The following PRKX variants were observed in gnomAD, a reference collection of about 807,000 sequenced individuals.
PRKX encodes protein kinase cAMP-dependent X-linked catalytic subunit, also known as cAMP-dependent protein kinase catalytic subunit PRKX.
PRKX carries 12 observed loss-of-function variants against 22.0 expected under a neutral mutation model. The ratio of observed to expected loss-of-function variants is 0.54; its 90% CI spans 0.35 to 0.88. PRKX has a LOEUF of 0.88. Among genes scored for constraint, PRKX ranks in the 40% least tolerant of loss-of-function variants. The pLI, the probability that PRKX is intolerant of heterozygous loss-of-function variation, is 0.01. For synonymous variants in PRKX, 134 were observed against 137.7 expected (o/e 0.97, Z 0.19); for missense variants, 217 against 308.0 (o/e 0.70, Z 2.21).
intron 5 of PRKX, among the ~76,000 whole-genome samples, chrX:3,625,525 A>G (rs1018675398): frequency 2.7e-5 from 3 of 112,411 alleles, no homozygotes; most frequent in Non-Finnish European, 5.6e-5. Context: ...ATTACAGTAA[A>G]AATGGCTACC....
chrX:3,684,880 G>A (rs186411969), intron 1 of PRKX, among the ~76,000 whole-genome samples: 1 of 111,851 alleles, frequency 8.9e-6, no homozygotes, highest in South Asian at 3.7e-4. Flanking sequence ...GTAGTGGCAC[G>A]ATCACAGCTC....
At chrX:3,656,116 G>A (rs1927475762) in intron 2 of PRKX, among the ~76,000 whole-genome samples, 1 of 112,042 alleles carries the variant, frequency 8.9e-6, no homozygotes, top group African/African-American at 3.2e-5. Context: ...TATGGATGTA[G>A]GCAGACGTTA....
intron 2 of PRKX, among the ~76,000 whole-genome samples, chrX:3,670,962 A>T (rs1282832192): frequency 8.9e-6 from 1 of 112,169 alleles, no homozygotes; most frequent in African/African-American, 3.2e-5. Flanking sequence ...TTTTCATGAG[A>T]GCTGTGGACT....
At chrX:3,650,750 A>G (rs1306275088) in intron 3 of PRKX, among the ~76,000 whole-genome samples, 1 of 104,352 alleles carries the variant, frequency 9.6e-6, no homozygotes, top group East Asian at 3.1e-4. Context: ...GTGGTGGTAC[A>G]TGCCTGTAAT....
chrX:3,630,417 A>G (rs760836907), intron 4 of PRKX, among the ~76,000 whole-genome samples: 85 of 111,291 alleles, frequency 7.6e-4, no homozygotes, highest in Admixed American at 2.0e-3. Flanking sequence ...AAAATTAGCC[A>G]GGCGTGGTGG....
rs761271899 is a variant in PRKX at position 3,698,127 on chromosome X, A to G, written c.166+14961T>C. Among the ~76,000 whole-genome samples the G allele has an allele frequency of 6.3e-5, 7 of 111,784 alleles. No individual in the cohort carries two copies. The Admixed American group carries it at 6.7e-4, about 11-fold the overall frequency. On this transcript the variant is annotated intron_variant, in intron 1 of 8. Transcript: ENST00000262848. ...CTTAGTTTCATCTGAACATTTGCCA[A>G]CATCCAAAGAATTAGAGTGTTTTCA...
At chrX:3,625,190 A>T (rs968444951) in intron 5 of PRKX, among the ~76,000 whole-genome samples, 1 of 111,441 alleles carries the variant, frequency 9.0e-6, no homozygotes, top group African/African-American at 3.3e-5. Context: ...TGTCAAACAC[A>T]ACACATGCTC....
intron 2 of PRKX, among the ~76,000 whole-genome samples, chrX:3,674,384 G>A (rs982138728): frequency 2.7e-5 from 3 of 111,683 alleles, no homozygotes; most frequent in Non-Finnish European, 1.9e-5. Flanking sequence ...AACACAGAGC[G>A]TTTCTTTTTG....
intron 8 of PRKX, among the ~76,000 whole-genome samples, chrX:3,609,179 G>A (rs1388381311): frequency 9.0e-6 from 1 of 111,729 alleles, no homozygotes; most frequent in Non-Finnish European, 1.9e-5. Flanking sequence ...TTGTTTGTTT[G>A]AGACGGAGTC....
intron 1 of PRKX, among the ~76,000 whole-genome samples, chrX:3,688,197 G>A (rs778886874): frequency 9.1e-6 from 1 of 109,942 alleles, no homozygotes; most frequent in Admixed American, 9.6e-5. Context: ...TGTAATCCCA[G>A]CACTTTGGGA....
At chrX:3,698,699 G>A (rs755431273) in intron 1 of PRKX, among the ~76,000 whole-genome samples, 6 of 109,685 alleles carry the variant, frequency 5.5e-5, no homozygotes, top group African/African-American at 2.0e-4. Flanking sequence ...AGCGATTTTC[G>A]TGTCTCAGCC....
chrX:3,691,116 C>T (rs752546934), intron 1 of PRKX, among the ~76,000 whole-genome samples: 12 of 111,789 alleles, frequency 1.1e-4, no homozygotes, highest in Non-Finnish European at 2.1e-4. Flanking sequence ...GTCTGAGCCC[C>T]GTACAGAGGG....
Position 3,674,708 on chromosome X carries a change from G to A in PRKX, c.225C>T (p.Phe75=), listed in dbSNP as rs751381229. ...CGGGAATGCTCATCACCTTGAGGGC[G>A]AAGAAATGCTTGGCTGTCTTCTCCT... ...LVKEKTAKHF[F]ALKVMSIPDV... is the part of the protein sequence containing the mutation. Residue 75 remains phenylalanine (F), a synonymous_variant, in exon 2 of 9, where the codon TTC becomes TTT. Transcript: ENST00000262848. The A allele has an allele frequency of 2.5e-6, 3 of 1,211,152 alleles. No homozygotes were observed. Among genetic ancestry groups the A allele is most frequent in the Admixed American group, 4.3e-5 (2 of 46,044 alleles).
At chrX:3,647,766 C>T (rs1156398357) in intron 3 of PRKX, among the ~76,000 whole-genome samples, 6 of 109,342 alleles carry the variant, frequency 5.5e-5, no homozygotes, top group Middle Eastern at 9.4e-3. Context: ...TTGTATAGTT[C>T]GGTGGTGGGA....
intron 4 of PRKX, among the ~76,000 whole-genome samples, chrX:3,629,884 A>G (rs1437982493): frequency 8.9e-6 from 1 of 111,987 alleles, no homozygotes; most frequent in Non-Finnish European, 1.9e-5. Flanking sequence ...GCAGGAGCAG[A>G]GTCTGTACTT....
rs757793017 is a variant in PRKX, at chrX:3,679,622, ATATTCTT to A, written c.167-4863_167-4857del. On this transcript the variant is annotated intron_variant, in intron 1 of 8. Coordinates refer to ENST00000262848, the MANE Select transcript of PRKX (RefSeq NM_005044.5). The stretch of plus-strand genomic sequence containing the variant: ...AATATCTACCTATTTCACTACAGAA[ATATTCTT>A]GTCTTGATAACAACATCCAGCCCAG... 4.3e-3 allele frequency among the ~76,000 whole-genome samples: 476 copies of A among 111,306 alleles called. 4 individuals are homozygous for A. Among genetic ancestry groups the A allele is most frequent in the African/African-American group, 0.015 (448 of 30,500 alleles).
rs1301840503 is a variant in PRKX at position 3,615,890 on chromosome X, G to A, written c.876C>T (p.Asn292=). ...DRTRRLGNMK[N]GANDVKHHRW... Reference sequence around the variant, plus strand: ...GATGATGCTTCACATCATTCGCCCCGTTCTTCAAAAGAAACAACACATGTC... The same window carrying A: ...GATGATGCTTCACATCATTCGCCCCATTCTTCAAAAGAAACAACACATGTC... The change falls in exon 7 of 9, where the codon AAC becomes AAT. Residue 292 remains asparagine, a splice_region_variant and synonymous_variant. Transcript: ENST00000262848. 5.0e-6 allele frequency: 6 copies of A among 1,206,956 alleles called. No individual in the cohort carries two copies. Among genetic ancestry groups the A allele is most frequent in the African/African-American group, 3.5e-5 (2 of 57,696 alleles).
intron 1 of PRKX, among the ~76,000 whole-genome samples, chrX:3,688,863 C>T (rs192326548): frequency 9.6e-6 from 1 of 103,950 alleles, no homozygotes; most frequent in Non-Finnish European, 1.9e-5. Flanking sequence ...AGCGGGACCC[C>T]CATCTGTTTA....
At position 3,673,045 on chromosome X, in the gene PRKX, G is replaced by A. The variant is rs187352905; in HGVS notation, c.335+1553C>T. 6.1e-3 allele frequency among the ~76,000 whole-genome samples: 676 copies of A among 111,158 alleles called. 3 individuals are homozygous for A. The highest frequency in any genetic ancestry group is 0.02 in the African/African-American group (597 of 30,613). ...AGGAAGGGAGGAAGGGAGCCACCGC[G>A]CCCATCCTCTGCATATGATTTTGTT... On this transcript the variant is annotated intron_variant, in intron 2 of 8. Coordinates refer to ENST00000262848, the MANE Select transcript of PRKX (RefSeq NM_005044.5).
Sources: gnomAD v4.1 joint callset for allele counts (sites outside exome capture counted in the v4.1 genomes callset) on GRCh38, gnomAD v4.1.1 for gene constraint, MANE v1.5 for transcripts, NCBI Gene and HGNC (gene_info 2026-07-23, HGNC 2026-07-21) for gene names.